The following ZNF721 variants were observed in gnomAD, a reference collection of about 807,000 sequenced individuals.
ZNF721 encodes the protein zinc finger protein 721.
In ZNF721, 2 loss-of-function variants were observed where a neutral mutation model predicts 2.4. The ratio of observed to expected loss-of-function variants is 0.82; its 90% CI spans 0.34 to 2.58. The LOEUF (loss-of-function observed/expected upper bound fraction) is 2.58. Among genes scored for constraint, ZNF721 ranks in the 30% most tolerant of loss-of-function variants. The pLI is 0.11. For missense variants in ZNF721, 1,187 were observed against 1,085.5 expected (o/e 1.09, Z -1.31); for synonymous variants, 398 against 381.8 (o/e 1.04, Z -0.50).
rs1289280413 is a variant in ZNF721, at chr4:440,832, A to G, written c.*863T>C. 2 of 152,102 alleles carry G rather than the reference A, an allele frequency of 1.3e-5. No individual in the cohort carries two copies. Among genetic ancestry groups the G allele is most frequent in the Non-Finnish European group, 2.9e-5 (2 of 68,056 alleles). 9.4% of individuals were successfully genotyped at this position (152,102 alleles called of 1,614,324 possible). A position where few individuals can be genotyped will look rare whatever the true frequency, so the allele number is the denominator to read the frequency against. On this transcript the variant is annotated 3_prime_UTR_variant, in exon 3 of 3. Transcript: ENST00000511833. ...AGCCATGCACCACCATGTCCTGCTAATTTTTGTATTTTTAGTACAGACGAG... is the reference window on the plus strand; with the variant it reads ...AGCCATGCACCACCATGTCCTGCTAGTTTTTGTATTTTTAGTACAGACGAG...
intron 2 of ZNF721, among the ~76,000 whole-genome samples, chr4:454,976 C>T (rs1714800392): frequency 6.6e-6 from 1 of 152,180 alleles, no homozygotes. Context: ...AGCTAGGGTC[C>T]CACACTGCGC....
In ZNF721 at chr4:443,473, G is replaced by A. The variant is rs1283499133; in HGVS notation, c.994C>T (p.Pro332Ser). 16 of 1,613,768 alleles carry A rather than the reference G, an allele frequency of 9.9e-6. No individual in the cohort carries two copies. Among genetic ancestry groups the A allele is most frequent in the Admixed American group, 1.7e-5 (1 of 60,006 alleles). The change falls in exon 3 of 3, where the codon CCC (proline) becomes TCC (serine). Residue 332 changes from proline (P) to serine (S), a missense_variant. Transcript: ENST00000511833. ...TTGCCACATTCTCCACATGTGTAGG[G>A]TTTCTCTCCAGTATGAATTCTCCTA... ...VHRRIHTGEK[P>S]YTCGECGKTF...
intron 2 of ZNF721, among the ~76,000 whole-genome samples, chr4:444,858 T>C (rs1480122453): frequency 6.6e-6 from 1 of 152,130 alleles, no homozygotes; most frequent in Non-Finnish European, 1.5e-5. Flanking sequence ...AATAAAACAG[T>C]GCTGAAAGAA....
intron 2 of ZNF721, among the ~76,000 whole-genome samples, chr4:456,739 C>T (rs1331164891): frequency 2.0e-5 from 3 of 152,186 alleles, no homozygotes; most frequent in East Asian, 1.9e-4. Flanking sequence ...ATTAGCTGGG[C>T]GTGGTAGCAC....
At chr4:452,055 T>C (rs1451611767) in intron 2 of ZNF721, among the ~76,000 whole-genome samples, 3 of 152,238 alleles carry the variant, frequency 2.0e-5, no homozygotes, top group Admixed American at 2.0e-4. Context: ...AGATAGGGAC[T>C]GGTTGCTACA....
Position 472,684 on chromosome 4 carries a change from C to T in ZNF721, c.-76G>A, listed in dbSNP as rs782713654. 2 of 1,612,430 alleles carry T rather than the reference C, an allele frequency of 1.2e-6. No homozygotes were observed. Among genetic ancestry groups the T allele is most frequent in the African/African-American group, 2.7e-5 (2 of 74,762 alleles). On this transcript the variant is annotated 5_prime_UTR_variant, in exon 2 of 3. Transcript: ENST00000511833. ...CTGGAGAGAATTCTATGGCCACATC[C>T]CTGAATGTTAAGGGTTCCTGAAAAT...
rs60701142 is a variant in ZNF721, at chr4:488,979, C to T, written c.-94+10077G>A. ...ACACCTGCACTACCCCAGTAGCTAG[C>T]GGGAAGAAATGTGATTAAGAACTTC... is the stretch of plus-strand genomic sequence containing the variant. On this transcript the variant is annotated intron_variant, in intron 1 of 2. Coordinates refer to ENST00000511833, the MANE Select transcript of ZNF721 (RefSeq NM_133474.4). 1.6e-3 allele frequency among the ~76,000 whole-genome samples: 251 copies of T among 152,182 alleles called. 1 individual carries two copies. Among genetic ancestry groups the T allele is most frequent in the African/African-American group, 5.9e-3 (243 of 41,512 alleles).
At chr4:469,226 C>T (rs1467218395) in intron 2 of ZNF721, among the ~76,000 whole-genome samples, 1 of 152,052 alleles carries the variant, frequency 6.6e-6, no homozygotes, top group Non-Finnish European at 1.5e-5. Context: ...TGAACCACTA[C>T]ACCTGCCCCA....
intron 2 of ZNF721, among the ~76,000 whole-genome samples, chr4:466,654 A>G (rs1221157914): frequency 6.6e-6 from 1 of 152,210 alleles, no homozygotes; most frequent in Non-Finnish European, 1.5e-5. Context: ...TTAAACTGCG[A>G]TGGATGAGAT....
chr4:474,732 C>T (rs1338858732), intron 1 of ZNF721, among the ~76,000 whole-genome samples: 1 of 151,266 alleles, frequency 6.6e-6, no homozygotes, highest in Non-Finnish European at 1.5e-5. Context: ...AAAAATTAGC[C>T]AGGCATGGTG....
chr4:490,331 C>T (rs1263044992), intron 1 of ZNF721, among the ~76,000 whole-genome samples: 1 of 151,902 alleles, frequency 6.6e-6, no homozygotes, highest in African/African-American at 2.4e-5. Flanking sequence ...AAACAATTAG[C>T]CAGGTGTGGT....
At chr4:449,614 C>T (rs1714584298) in intron 2 of ZNF721, among the ~76,000 whole-genome samples, 5 of 151,898 alleles carry the variant, frequency 3.3e-5, no homozygotes, top group Admixed American at 3.3e-4. Context: ...CTTTGCATAG[C>T]AAAGACAGCA....
chr4:492,767 T>C (rs1716055170), intron 1 of ZNF721, among the ~76,000 whole-genome samples: 1 of 147,720 alleles, frequency 6.8e-6, no homozygotes, highest in Non-Finnish European at 1.5e-5. Flanking sequence ...TCATATAAAA[T>C]TATTTTTCTT....
chr4:484,963 G>A (rs1715858236), intron 1 of ZNF721, among the ~76,000 whole-genome samples: 1 of 152,126 alleles, frequency 6.6e-6, no homozygotes, highest in Admixed American at 6.5e-5. Context: ...CTACTGACAT[G>A]TGATGTCTCC....
intron 2 of ZNF721, among the ~76,000 whole-genome samples, chr4:469,861 G>A (rs557687604): frequency 3.0e-4 from 45 of 152,166 alleles, no homozygotes; most frequent in African/African-American, 1.0e-3. Flanking sequence ...AGAAAAACTG[G>A]AGAGCCACAA....
chr4:447,440 G>A (rs1370842016), intron 2 of ZNF721, among the ~76,000 whole-genome samples: 1 of 151,790 alleles, frequency 6.6e-6, no homozygotes, highest in African/African-American at 2.4e-5. Flanking sequence ...AGAAGTAAAG[G>A]TGTATCAGTA....
chr4:495,297 T>G (rs1716120259), intron 1 of ZNF721, among the ~76,000 whole-genome samples: 4 of 137,450 alleles, frequency 2.9e-5, no homozygotes, highest in Admixed American at 2.2e-4. Context: ...GAAAACAGAA[T>G]TCAGTCAACT....
intron 2 of ZNF721, chr4:453,714 G>A (rs1714747641): frequency 6.6e-6 from 1 of 152,218 alleles, no homozygotes; most frequent in Non-Finnish European, 1.5e-5. Flanking sequence ...CGCCAGGAAT[G>A]AGCTACCTTG....
intron 1 of ZNF721, among the ~76,000 whole-genome samples, chr4:489,455 C>CTT (rs1553871118): frequency 1.2e-4 from 18 of 152,194 alleles, no homozygotes; most frequent in Non-Finnish European, 2.2e-4. Flanking sequence ...GGAAGAGAGC[C>CTT]CAGACCTGGC....
Sources: gnomAD v4.1 joint callset for allele counts (sites outside exome capture counted in the v4.1 genomes callset) on GRCh38, gnomAD v4.1.1 for gene constraint, MANE v1.5 for transcripts, NCBI Gene and HGNC (gene_info 2026-07-23, HGNC 2026-07-21) for gene names.